The following IL37 variants were observed in gnomAD, a reference collection of about 807,000 sequenced individuals.
IL37 encodes interleukin 37.
In IL37, 15 loss-of-function variants were observed where a neutral mutation model predicts 15.4. The ratio of observed to expected loss-of-function variants is 0.98; its 90% CI spans 0.65 to 1.50. IL37 has a LOEUF of 1.50. Ranked by LOEUF, IL37 falls within the 40% of genes most tolerant of loss-of-function variation. IL37 has a pLI of 0.00. For missense variants in IL37, 269 were observed against 261.7 expected, an observed-to-expected ratio of 1.03 and a Z score of -0.19; for synonymous variants, 98 against 97.4, an observed-to-expected ratio of 1.01 and a Z score of -0.03.
intron 3 of IL37, chr2:112,915,178 A>G (rs1558801720): frequency 6.2e-7 from 1 of 1,612,952 alleles, no homozygotes; most frequent in Non-Finnish European, 8.5e-7. Flanking sequence ...TCTGCATGTG[A>G]GACGCTGAGA....
rs1198205699 is a variant in IL37 at position 112,918,428 on chromosome 2, A to T, written c.409-133A>T. ...ATACCAGTACCAAGGCTGACACGTC[A>T]TCTTTCCCAAGGACCATCTGCCTTC... On this transcript the variant is annotated intron_variant, in intron 5 of 5. Transcript: ENST00000263326. 2.9e-6 allele frequency: 3 copies of T among 1,019,868 alleles called. No individual in the cohort carries two copies. The African/African-American group carries it at 4.8e-5, about 16-fold the overall frequency. 63.2% of individuals were successfully genotyped at this position (1,019,868 alleles called of 1,614,324 possible). A position where few individuals can be genotyped will look rare whatever the true frequency, so the allele number is the denominator to read the frequency against.
intron 3 of IL37, among the ~76,000 whole-genome samples, chr2:112,914,860 T>C (rs548438531): frequency 6.6e-5 from 10 of 152,184 alleles, no homozygotes; most frequent in Non-Finnish European, 1.2e-4. Context: ...GAATACACAT[T>C]CCCAGGCCCC....
chr2:112,915,212 G>T (rs749971044), intron 3 of IL37: 7 of 1,613,992 alleles, frequency 4.3e-6, no homozygotes, highest in African/African-American at 2.7e-5. Flanking sequence ...TGTGATAGGA[G>T]GGAAACAGAA....
chr2:112,913,984 T>C, intron 3 of IL37, 130 bp downstream of exon 3: 5 of 716,648 alleles, frequency 7.0e-6, no homozygotes, highest in Non-Finnish European at 1.2e-5. Context: ...TGGATGGGGC[T>C]GAAGTCTTTC....
In IL37 at chr2:112,917,254, T is replaced by G; in HGVS notation, c.265+6T>G. Reference sequence around the variant, plus strand: ...TAAAAACTACATACGCCCAGGTGACTCTCAGTTTTGGCTGTGTTTTCTGCC... The same window carrying G: ...TAAAAACTACATACGCCCAGGTGACGCTCAGTTTTGGCTGTGTTTTCTGCC... On this transcript the variant is annotated splice_donor_region_variant and intron_variant, in intron 4 of 5. Coordinates refer to ENST00000263326, the MANE Select transcript of IL37 (RefSeq NM_014439.4). The G allele has an allele frequency of 1.2e-6, 2 of 1,613,542 alleles. No homozygotes were observed. Among genetic ancestry groups the G allele is most frequent in the South Asian group, 2.2e-5 (2 of 90,932 alleles).
rs370027195 is a variant in IL37, at chr2:112,917,819, A to G, written c.408+42A>G. On this transcript the variant is annotated intron_variant, in intron 5 of 5. Coordinates refer to ENST00000263326, the MANE Select transcript of IL37 (RefSeq NM_014439.4). ...AGTTTCCTGGGCCTTTGGCTACCCC[A>G]AAGTAAAAGGCCAAGATCCTCAATG... is the stretch of plus-strand genomic sequence containing the variant. 9.3e-6 allele frequency: 15 copies of G among 1,607,772 alleles called. No homozygotes were observed. The African/African-American group carries it at 1.7e-4, about 19-fold the overall frequency.
intron 4 of IL37, 150 bp downstream of exon 4, chr2:112,917,398 T>C: frequency 1.0e-6 from 1 of 983,418 alleles, no homozygotes; most frequent in Non-Finnish European, 1.5e-6. Flanking sequence ...GGGCATCAGA[T>C]GAAGGGTCTC....
intron 1 of IL37, among the ~76,000 whole-genome samples, chr2:112,912,172 C>T (rs559038465): frequency 3.9e-5 from 6 of 152,276 alleles, no homozygotes; most frequent in African/African-American, 1.4e-4. Context: ...AATCACTTAA[C>T]TTTTGATTTT....
intron 3 of IL37, among the ~76,000 whole-genome samples, chr2:112,916,765 C>G (rs957976193): frequency 1.3e-5 from 2 of 152,218 alleles, no homozygotes; most frequent in African/African-American, 2.4e-5. Flanking sequence ...CTAAGTGCTA[C>G]TTATTTGAGT....
intron 3 of IL37, among the ~76,000 whole-genome samples, 197 bp from the exon 4 acceptor site, chr2:112,916,932 T>C (rs368724251): frequency 6.6e-6 from 1 of 152,146 alleles, no homozygotes; most frequent in East Asian, 1.9e-4. Context: ...CTGGAACCCA[T>C]TTGCTTGCAC....
rs999111490 is a variant in IL37, at chr2:112,918,651, C to T, written c.499C>T (p.Leu167=). The change falls in exon 6 of 6, where the codon CTG becomes TTG. Residue 167 remains leucine, a synonymous_variant. Transcript: ENST00000263326. ...YRAQVGSWNM[L]ESAAHPGWFI... is the part of the protein sequence containing the mutation. ...GGCTCAGGTGGGCTCCTGGAACATG[C>T]TGGAGTCGGCGGCTCACCCCGGATG... 6.2e-7 allele frequency: 1 copy of T among 1,614,154 alleles called. No individual in the cohort carries two copies. Among genetic ancestry groups the T allele is most frequent in the Admixed American group, 1.7e-5 (1 of 60,026 alleles).
chr2:112,912,684 T>C (rs1683203718), intron 1 of IL37, among the ~76,000 whole-genome samples: 1 of 152,244 alleles, frequency 6.6e-6, no homozygotes, highest in African/African-American at 2.4e-5. Flanking sequence ...ACTAGAGCAA[T>C]GCACTTTTAA....
chr2:112,916,548 C>G (rs11676778), intron 3 of IL37, among the ~76,000 whole-genome samples: 89,832 of 152,034 alleles, frequency 0.59, 29,870 homozygotes, highest in East Asian at 0.83. Flanking sequence ...AGCCTTGCAC[C>G]GTGCTGGGCT....
intron 2 of IL37, 128 bp downstream of exon 2, chr2:112,913,222 C>A: frequency 1.8e-6 from 1 of 556,772 alleles, no homozygotes. Context: ...TCAAATTTCC[C>A]TGGACAAATA....
rs1683373906 is a variant in IL37 at position 112,918,466 on chromosome 2, C to G, written c.409-95C>G. 3.6e-6 allele frequency: 5 copies of G among 1,394,734 alleles called. No individual in the cohort carries two copies. The East Asian group carries it at 1.2e-4, about 32-fold the overall frequency. The allele number at this position is 1,394,734 out of a possible 1,614,324, so 86.4% of individuals were successfully genotyped here. A position where few individuals can be genotyped will look rare whatever the true frequency, so the allele number is the denominator to read the frequency against. ...ACCATCTGCCTTCTCTCTTTTCCTC[C>G]TCTCCTGTGTAAAGGCCTGGAGGAT... is the stretch of plus-strand genomic sequence containing the variant. On this transcript the variant is annotated intron_variant, in intron 5 of 5. Transcript: ENST00000263326.
rs370608179 is a variant in IL37 at position 112,913,034 on chromosome 2, T to G, written c.22T>G (p.Ser8Ala). 6.3e-7 allele frequency: 1 copy of G among 1,578,934 alleles called. No individual in the cohort carries two copies. Among genetic ancestry groups the G allele is most frequent in the Non-Finnish European group, 8.6e-7 (1 of 1,167,004 alleles). Reference protein sequence around the residue: MSFVGENSGVKMGSEDWE... With the variant: MSFVGENAGVKMGSEDWE... ...GAAAATGTCCTTTGTGGGGGAGAACTCAGGAGTGAAAATGGGCTCTGAGGA... is the reference window on the plus strand; with the variant it reads ...GAAAATGTCCTTTGTGGGGGAGAACGCAGGAGTGAAAATGGGCTCTGAGGA... Residue 8 changes from serine (S) to alanine (A), a missense_variant, in exon 2 of 6, where the codon TCA becomes GCA. Transcript: ENST00000263326.
Position 112,917,790 on chromosome 2 carries a change from G to T in IL37, c.408+13G>T, listed in dbSNP as rs766324766. On this transcript the variant is annotated intron_variant, in intron 5 of 5. Transcript: ENST00000263326. ...CCTTCAGCTGAAGGTGAGAGTTCTA[G>T]CTCAGTTTCCTGGGCCTTTGGCTAC... 9.9e-6 allele frequency: 16 copies of T among 1,613,852 alleles called. No homozygotes were observed. The Middle Eastern group carries it at 8.3e-4, about 84-fold the overall frequency.
chr2:112,914,236 C>A (rs759038852), intron 3 of IL37, among the ~76,000 whole-genome samples: 7 of 152,114 alleles, frequency 4.6e-5, no homozygotes, highest in African/African-American at 7.2e-5. Context: ...GGGCTCAGGG[C>A]GGCGCCTTCA....
chr2:112,915,169 C>G, intron 3 of IL37: 1 of 1,608,854 alleles, frequency 6.2e-7, no homozygotes. Flanking sequence ...GTGAACTAGT[C>G]TGCATGTGAG....
Sources: allele counts gnomAD v4.1 joint callset (sites outside exome capture counted in the v4.1 genomes callset), GRCh38; gene constraint gnomAD v4.1.1; transcripts MANE v1.5; gene names NCBI Gene and HGNC (gene_info 2026-07-23, HGNC 2026-07-21).